The following CMIP variants were observed in gnomAD, a reference collection of about 807,000 sequenced individuals.
CMIP encodes the protein C-Maf-inducing protein.
A neutral mutation model predicts 97.3 loss-of-function variants in CMIP; 13 were observed. The ratio of observed to expected loss-of-function variants is 0.13; its 90% CI spans 0.09 to 0.21. The LOEUF (loss-of-function observed/expected upper bound fraction) is 0.21. Ranked by LOEUF, CMIP falls within the 10% of genes least tolerant of loss-of-function variation. The probability of loss-of-function intolerance (pLI) is 1.00; values close to 1 mark genes in which losing one functional copy is unlikely to be tolerated. For missense variants in CMIP, 847 were observed against 1,024.9 expected (o/e 0.83, Z 2.37); for synonymous variants, 538 against 436.3 (o/e 1.23, Z -2.91).
At chr16:81,682,042 A>G (rs926632575) in intron 10 of CMIP, among the ~76,000 whole-genome samples, 1 of 151,966 alleles carries the variant, frequency 6.6e-6, no homozygotes, top group Non-Finnish European at 1.5e-5. Flanking sequence ...GTTTCTACTA[A>G]AAATACAAAT....
chr16:81,468,208 C>T (rs1907320865), intron 1 of CMIP, among the ~76,000 whole-genome samples: 2 of 152,174 alleles, frequency 1.3e-5, no homozygotes, highest in Admixed American at 1.3e-4. Flanking sequence ...GCTGGGGAGG[C>T]AGAAGGCCAT....
chr16:81,600,902 G>A (rs557893158), intron 1 of CMIP, among the ~76,000 whole-genome samples: 2 of 152,264 alleles, frequency 1.3e-5, no homozygotes, highest in African/African-American at 4.8e-5. Context: ...GTCTAAGCAG[G>A]GCTGCCATCC....
intron 1 of CMIP, among the ~76,000 whole-genome samples, chr16:81,604,573 C>T (rs13336525): frequency 0.08 from 12,218 of 151,804 alleles, 1,063 homozygotes; most frequent in African/African-American, 0.22. Context: ...TGGTGGCAGG[C>T]GCCTGTAATC....
chr16:81,542,731 C>T (rs559371985), intron 1 of CMIP, among the ~76,000 whole-genome samples: 3 of 152,158 alleles, frequency 2.0e-5, no homozygotes, highest in South Asian at 4.2e-4. Context: ...AGCACTCTGG[C>T]CTCTCTTCTT....
At chr16:81,527,127 A>T (rs924224991) in intron 1 of CMIP, among the ~76,000 whole-genome samples, 3 of 152,134 alleles carry the variant, frequency 2.0e-5, no homozygotes, top group Admixed American at 6.5e-5. Context: ...TCTGCTACAG[A>T]ATTTCTCAGC....
rs1222928297 is a variant in CMIP, at chr16:81,616,635, G to T, written c.427-4241G>T. Among the ~76,000 whole-genome samples, 1 of 152,194 alleles carries T rather than the reference G, an allele frequency of 6.6e-6. No homozygotes were observed. The highest frequency in any genetic ancestry group is 2.4e-5 in the African/African-American group (1 of 41,448). ...TGCCTTCTTCCTGGACTGCCACACC[G>T]ACCTCCAAGAGTTGAGAGGATCCCA... On this transcript the variant is annotated intron_variant, in intron 2 of 20. Coordinates refer to ENST00000537098, the MANE Select transcript of CMIP (RefSeq NM_198390.3). The surrounding 1 kb of genome is among the most constrained non-coding windows in gnomAD (Gnocchi z 4.7).
chr16:81,616,124 C>T lies in CMIP; in HGVS notation c.427-4752C>T, dbSNP rs920227016. Among the ~76,000 whole-genome samples, 1 of 151,500 alleles carries T rather than the reference C, an allele frequency of 6.6e-6. No homozygotes were observed. Among genetic ancestry groups the T allele is most frequent in the African/African-American group, 2.4e-5 (1 of 41,128 alleles). On this transcript the variant is annotated intron_variant, in intron 2 of 20. Coordinates refer to ENST00000537098, the MANE Select transcript of CMIP (RefSeq NM_198390.3). The surrounding 1 kb of genome is among the most constrained non-coding windows in gnomAD (Gnocchi z 4.7). ...CTCAGCCCGGCATCTCTGTGCCTTG[C>T]CTTACATGTCATTAATTCATTCAGC...
At chr16:81,687,138 C>G (rs1905489696) in intron 10 of CMIP, among the ~76,000 whole-genome samples, 2 of 152,210 alleles carry the variant, frequency 1.3e-5, no homozygotes, top group Admixed American at 6.5e-5. Flanking sequence ...AAGCCGGTCA[C>G]AGGCCCCAGG....
intron 1 of CMIP, among the ~76,000 whole-genome samples, chr16:81,481,386 G>A (rs528865757): frequency 6.6e-6 from 1 of 152,218 alleles, no homozygotes; most frequent in Non-Finnish European, 1.5e-5. Flanking sequence ...GGACAGGGCC[G>A]CTCAGGAAGG....
At chr16:81,577,956 C>A (rs946792836) in intron 1 of CMIP, among the ~76,000 whole-genome samples, 3 of 150,534 alleles carry the variant, frequency 2.0e-5, no homozygotes, top group South Asian at 2.1e-4. Context: ...CCATCATCCC[C>A]ATTACCACTA....
At chr16:81,609,567 A>G (rs2091797653) in intron 2 of CMIP, among the ~76,000 whole-genome samples, 1 of 152,232 alleles carries the variant, frequency 6.6e-6, no homozygotes. Context: ...TAAACAAATG[A>G]TTACGGAAAT....
At chr16:81,690,751 C>G (rs1905967350) in intron 10 of CMIP, among the ~76,000 whole-genome samples, 1 of 152,164 alleles carries the variant, frequency 6.6e-6, no homozygotes, top group African/African-American at 2.4e-5. Flanking sequence ...ATGGCAAAAC[C>G]CCATCCCTAC....
At chr16:81,513,601 C>G (rs1288569686) in intron 1 of CMIP, among the ~76,000 whole-genome samples, 2 of 152,204 alleles carry the variant, frequency 1.3e-5, no homozygotes, top group African/African-American at 4.8e-5. Context: ...GCTGAGGGTG[C>G]TGACTTGGGA....
At chr16:81,505,544 T>G (rs899712968) in intron 1 of CMIP, among the ~76,000 whole-genome samples, 1 of 152,218 alleles carries the variant, frequency 6.6e-6, no homozygotes. Flanking sequence ...TTTCTTAGTT[T>G]GGGAACTGAA....
intron 20 of CMIP, among the ~76,000 whole-genome samples, chr16:81,709,377 A>T (rs1908506529): frequency 6.6e-6 from 1 of 152,202 alleles, no homozygotes. Context: ...CTAGAGTCAG[A>T]TGGGCCCACA....
chr16:81,687,456 C>T (rs994479686), intron 10 of CMIP, among the ~76,000 whole-genome samples: 7 of 152,260 alleles, frequency 4.6e-5, no homozygotes, highest in South Asian at 2.1e-4. Context: ...TTTGTTTTTC[C>T]GCGGAGTCCC....
rs894460023 is a variant in CMIP at position 81,645,170 on chromosome 16, G to T, written c.478-7033G>T. Among the ~76,000 whole-genome samples, 26 of 152,220 alleles carry T rather than the reference G, an allele frequency of 1.7e-4. 1 individual carries two copies. Among genetic ancestry groups the T allele is most frequent in the Admixed American group, 1.3e-4 (2 of 15,286 alleles). On this transcript the variant is annotated intron_variant, in intron 3 of 20. Transcript: ENST00000537098. ...GAAGTTCAGTGTGCGTAGCCACCTG[G>T]GGCTGGTAGCTTCTGGACTAGGCAG...
chr16:81,528,801 G>T (rs368918790), intron 1 of CMIP, among the ~76,000 whole-genome samples: 1 of 152,108 alleles, frequency 6.6e-6, no homozygotes, highest in Non-Finnish European at 1.5e-5. Context: ...ATGCCTGCTC[G>T]CCCTGCTTTA....
At chr16:81,682,960 C>T (rs554168891) in intron 10 of CMIP, among the ~76,000 whole-genome samples, 4 of 152,312 alleles carry the variant, frequency 2.6e-5, no homozygotes, top group South Asian at 2.1e-4. Context: ...ATTCGGGAGG[C>T]GAAGAAGAGC....
Sources: allele counts gnomAD v4.1 joint callset (sites outside exome capture counted in the v4.1 genomes callset), GRCh38; gene constraint gnomAD v4.1.1; non-coding constraint Gnocchi (gnomAD v3.1); transcripts MANE v1.5; gene names NCBI Gene and HGNC (gene_info 2026-07-23, HGNC 2026-07-21).